Variants in RGS6 observed in about 807,000 individuals in gnomAD.
The protein encoded by RGS6 is regulator of G protein signaling 6, also known as regulator of G-protein signaling 6.
A neutral mutation model predicts 78.5 loss-of-function variants in RGS6; 30 were observed. That is an observed-to-expected ratio of 0.38 (90% CI 0.29 to 0.52). The LOEUF is 0.52. Among genes scored for constraint, RGS6 ranks in the 20% least tolerant of loss-of-function variants. The pLI is 0.85. For synonymous variants in RGS6, 206 were observed against 206.0 expected (o/e 1.00, Z 0.00); for missense variants, 495 against 609.7 (o/e 0.81, Z 1.98).
At chr14:72,523,553 A>G (rs759291845) in intron 15 of RGS6, among the ~76,000 whole-genome samples, 3 of 152,156 alleles carry the variant, frequency 2.0e-5, no homozygotes, top group Admixed American at 1.3e-4. Context: ...CCTCTCTCCA[A>G]TGGGTTTTGT....
intron 2 of RGS6, among the ~76,000 whole-genome samples, chr14:71,979,536 A>G (rs2094336748): frequency 2.0e-5 from 3 of 152,246 alleles, no homozygotes; most frequent in African/African-American, 7.2e-5. Context: ...GTAGTCATTC[A>G]GGAGCAGGTT....
chr14:72,070,225 T>G (rs2094357160), intron 2 of RGS6, among the ~76,000 whole-genome samples: 1 of 152,166 alleles, frequency 6.6e-6, no homozygotes, highest in Non-Finnish European at 1.5e-5. Flanking sequence ...AGCTGTTCAT[T>G]TTTCTTACAG....
chr14:72,518,536 A>T lies in RGS6; in HGVS notation c.1277A>T (p.Gln426Leu). 6.2e-7 allele frequency: 1 copy of T among 1,613,860 alleles called. No individual in the cohort carries two copies. Among genetic ancestry groups the T allele is most frequent in the Non-Finnish European group, 8.5e-7 (1 of 1,179,744 alleles). ...GGGAGATATACATTTGAAGACGCCC[A>T]GGTTTGCTTATCTACTCAAGTGGTT... ...DGGRYTFEDAQEHIYKLMKSD... is the reference protein window; with the variant it reads ...DGGRYTFEDALEHIYKLMKSD... Residue 426 changes from glutamine (Q) to leucine (L), a missense_variant and splice_region_variant, in exon 15 of 18, where the codon CAG (glutamine) becomes CTG (leucine). Physicochemically the swap from Gln to Leu is moderately radical, Grantham distance 113. Transcript: ENST00000553525.
chr14:72,541,502 G>GTCTA (rs1470190469), intron 17 of RGS6: 3 of 1,535,690 alleles, frequency 2.0e-6, no homozygotes, highest in Non-Finnish European at 2.6e-6. Context: ...CGGGTGCCTG[G>GTCTA]TCTATCTTCA....
intron 17 of RGS6, among the ~76,000 whole-genome samples, chr14:72,558,938 G>A (rs186652007): frequency 2.0e-4 from 30 of 152,272 alleles, no homozygotes; most frequent in South Asian, 1.2e-3. Context: ...GCTCAGCTAC[G>A]CCAAGGCCTC....
In RGS6 at chr14:72,200,574, G is replaced by A. The variant is rs552812734; in HGVS notation, c.85-151521G>A. Among the ~76,000 whole-genome samples, 3 of 152,242 alleles carry A rather than the reference G, an allele frequency of 2.0e-5. No homozygotes were observed. The South Asian group carries it at 6.2e-4, about 32-fold the overall frequency. On this transcript the variant is annotated intron_variant, in intron 2 of 17. Coordinates refer to ENST00000553525, the MANE Select transcript of RGS6 (RefSeq NM_001204424.2). Reference sequence around the variant, plus strand: ...GAGTGGAGGGAGAAGGGATGAGGGGGCAGCACAGGACGGGGAGTGGTAGGG... The same window carrying A: ...GAGTGGAGGGAGAAGGGATGAGGGGACAGCACAGGACGGGGAGTGGTAGGG...
intron 2 of RGS6, among the ~76,000 whole-genome samples, chr14:72,053,213 A>G (rs8021501): frequency 0.92 from 135,206 of 146,906 alleles, 62,373 homozygotes; most frequent in African/African-American, 0.98. Flanking sequence ...TCCACCTCCC[A>G]GGTTCGAGCG....
chr14:72,215,268 T>G (rs2045287415), intron 2 of RGS6, among the ~76,000 whole-genome samples: 1 of 152,210 alleles, frequency 6.6e-6, no homozygotes, highest in Admixed American at 6.5e-5. Context: ...ATGACCTTCA[T>G]GCAGACCATC....
intron 2 of RGS6, among the ~76,000 whole-genome samples, chr14:72,099,016 A>G (rs757723189): frequency 1.3e-5 from 2 of 152,182 alleles, no homozygotes; most frequent in African/African-American, 2.4e-5. Context: ...TGGCTTTTTC[A>G]TGATTTGATT....
intron 15 of RGS6, among the ~76,000 whole-genome samples, chr14:72,532,524 T>C (rs1337104613): frequency 6.6e-6 from 1 of 152,198 alleles, no homozygotes; most frequent in African/African-American, 2.4e-5. Context: ...AAACTGGAAA[T>C]GATTAAGCTT....
the RGS6 span, among the ~76,000 whole-genome samples, chr14:72,584,280 A>G: frequency 6.6e-6 from 1 of 152,216 alleles, no homozygotes; most frequent in Non-Finnish European, 1.5e-5. Context: ...TCACTCTGGG[A>G]GCTGGGGACA....
intron 2 of RGS6, among the ~76,000 whole-genome samples, chr14:72,311,301 A>C (rs369928783): frequency 6.6e-6 from 1 of 152,224 alleles, no homozygotes; most frequent in Non-Finnish European, 1.5e-5. Context: ...TTATGTGACT[A>C]TGTGATTTTT....
intron 2 of RGS6, among the ~76,000 whole-genome samples, chr14:72,007,031 A>AC (rs1407105672): frequency 6.6e-6 from 1 of 152,140 alleles, no homozygotes; most frequent in East Asian, 1.9e-4. Context: ...TAGTGGCAAA[A>AC]AAAAGAAAGA....
At chr14:72,601,093 G>A in the RGS6 span, among the ~76,000 whole-genome samples, 1 of 150,232 alleles carries the variant, frequency 6.7e-6, no homozygotes, top group African/African-American at 2.5e-5. Flanking sequence ...GGGGAGGAAA[G>A]GGAATAGGTC....
the RGS6 span, among the ~76,000 whole-genome samples, chr14:71,886,539 A>G: frequency 6.6e-6 from 1 of 152,222 alleles, no homozygotes; most frequent in Non-Finnish European, 1.5e-5. Flanking sequence ...TACATACACC[A>G]GGCAGAAGTT....
chr14:72,277,215 C>T (rs2060816448), intron 2 of RGS6, among the ~76,000 whole-genome samples: 1 of 152,202 alleles, frequency 6.6e-6, no homozygotes, highest in Non-Finnish European at 1.5e-5. Context: ...GCAGGTGCAT[C>T]AGAGGAGGCC....
At chr14:72,495,055 G>C (rs1393879040) in intron 12 of RGS6, 97 bp from the exon 13 acceptor site, 4 of 748,714 alleles carry the variant, frequency 5.3e-6, no homozygotes, top group Non-Finnish European at 9.5e-6. Flanking sequence ...CTTTAATTTA[G>C]AATTATGTGA....
chr14:72,489,295 G>C (rs2096544737), intron 12 of RGS6, among the ~76,000 whole-genome samples: 1 of 152,188 alleles, frequency 6.6e-6, no homozygotes, highest in African/African-American at 2.4e-5. Flanking sequence ...GTCACCCCCT[G>C]AACAGGATTT....
At chr14:72,227,049 C>G (rs2153803318) in intron 2 of RGS6, among the ~76,000 whole-genome samples, 1 of 152,312 alleles carries the variant, frequency 6.6e-6, no homozygotes, top group East Asian at 1.9e-4. Flanking sequence ...TCATCTACTT[C>G]TCTCCACTAG....
Sources: gnomAD v4.1 joint callset for allele counts (sites outside exome capture counted in the v4.1 genomes callset) on GRCh38, gnomAD v4.1.1 for gene constraint, MANE v1.5 for transcripts, NCBI Gene and HGNC (gene_info 2026-07-23, HGNC 2026-07-21) for gene names.